PPP2R2A: variants seen among roughly 807,000 people sequenced by gnomAD.
The protein encoded by PPP2R2A is protein phosphatase 2 regulatory subunit Balpha.
In PPP2R2A, 9 loss-of-function variants were observed where a neutral mutation model predicts 53.2. The observed-to-expected ratio is 0.17, with a 90% CI of 0.10 to 0.30. The LOEUF is 0.30. Among genes scored for constraint, PPP2R2A ranks in the 10% least tolerant of loss-of-function variants. The probability of loss-of-function intolerance (pLI) is 1.00; values close to 1 mark genes in which losing one functional copy is unlikely to be tolerated. For synonymous variants in PPP2R2A, 169 were observed against 174.2 expected, an observed-to-expected ratio of 0.97 and a Z score of 0.23; for missense variants, 235 against 534.6, an observed-to-expected ratio of 0.44 and a Z score of 5.53.
rs537264382 is a variant in PPP2R2A at position 26,345,711 on chromosome 8, G to A, written c.180+6724G>A. ...GAGCGACTGCCCCTTTGCAGTTACT[G>A]TGTTTTTCCCTCTTTCTAAAAAAAG... On this transcript the variant is annotated intron_variant, in intron 3 of 9. Transcript: ENST00000380737. 1.0e-3 allele frequency among the ~76,000 whole-genome samples: 154 copies of A among 152,176 alleles called. 1 individual carries two copies. The highest frequency in any genetic ancestry group is 1.7e-3 in the Non-Finnish European group (116 of 68,002).
At chr8:26,347,418 T>G (rs1439285425) in intron 3 of PPP2R2A, among the ~76,000 whole-genome samples, 9 of 73,390 alleles carry the variant, frequency 1.2e-4, no homozygotes, top group Admixed American at 9.0e-4. Context: ...GCATGGAGGG[T>G]TTTTTTTTTT....
chr8:26,365,320 C>T (rs1805314519), intron 8 of PPP2R2A: 1 of 152,110 alleles, frequency 6.6e-6, no homozygotes, highest in South Asian at 2.1e-4. Flanking sequence ...TTTTGTGTTA[C>T]ATGCTCACTT....
intron 8 of PPP2R2A, chr8:26,365,560 C>A (rs1036673686): frequency 2.0e-5 from 3 of 152,122 alleles, no homozygotes; most frequent in African/African-American, 7.2e-5. Flanking sequence ...GAAATATAGA[C>A]ACTTCCTTTT....
rs1243877696 is a variant in PPP2R2A, at chr8:26,360,696, T to TTTA, written c.460-274_460-272dup. The TTTA allele has an allele frequency of 5.1e-6, 2 of 391,508 alleles. No homozygotes were observed. Among genetic ancestry groups the TTTA allele is most frequent in the African/African-American group, 4.2e-5 (2 of 47,656 alleles). 24.3% of individuals were successfully genotyped at this position (391,508 alleles called of 1,614,324 possible). ...GCCTCTTTAATCTGAACCATAAACA[T>TTTA]TTATTAGCTTGGCATGTCTTTCAAG... On this transcript the variant is annotated intron_variant, in intron 5 of 9. Coordinates refer to ENST00000380737, the MANE Select transcript of PPP2R2A (RefSeq NM_002717.4). This position sits in a 1 kb window ranked among gnomAD's most constrained non-coding sequence, Gnocchi z 4.5.
intron 2 of PPP2R2A, among the ~76,000 whole-genome samples, chr8:26,327,571 A>G (rs1312199588): frequency 1.3e-5 from 2 of 152,186 alleles, no homozygotes; most frequent in Non-Finnish European, 2.9e-5. Context: ...GCCCTTTGGG[A>G]AAAATAGCAA....
At chr8:26,320,523 T>C (rs1424410024) in intron 2 of PPP2R2A, among the ~76,000 whole-genome samples, 1 of 152,208 alleles carries the variant, frequency 6.6e-6, no homozygotes, top group African/African-American at 2.4e-5. Flanking sequence ...GATTAGTCTT[T>C]AAGTATTATG....
chr8:26,371,432 A>G lies in PPP2R2A; in HGVS notation c.*1019A>G, dbSNP rs1805664592. On this transcript the variant is annotated 3_prime_UTR_variant, in exon 10 of 10. Coordinates refer to ENST00000380737, the MANE Select transcript of PPP2R2A (RefSeq NM_002717.4). ...ATTTAACTCATTATGTGTTAATGAA[A>G]TTGTTGTAAATGGGAACCAAATTTG... 1 of 151,214 alleles carries G rather than the reference A, an allele frequency of 6.6e-6. No individual in the cohort carries two copies. Among genetic ancestry groups the G allele is most frequent in the Non-Finnish European group, 1.5e-5 (1 of 67,914 alleles). The allele number at this position is 151,214 out of a possible 1,614,324, so 9.4% of individuals were successfully genotyped here.
chr8:26,301,887 G>A (rs1801807671), intron 2 of PPP2R2A, among the ~76,000 whole-genome samples: 1 of 152,172 alleles, frequency 6.6e-6, no homozygotes, highest in Non-Finnish European at 1.5e-5. Flanking sequence ...GCACAAAAGA[G>A]TACCTGTAGA....
intron 3 of PPP2R2A, among the ~76,000 whole-genome samples, chr8:26,347,545 C>G (rs571618874): frequency 2.0e-5 from 3 of 151,816 alleles, no homozygotes; most frequent in Admixed American, 2.0e-4. Context: ...GTTTGATAAT[C>G]TGAGTGAAAG....
chr8:26,368,260 CTAAA>C (rs1805482871), intron 9 of PPP2R2A, among the ~76,000 whole-genome samples: 1 of 152,172 alleles, frequency 6.6e-6, no homozygotes, highest in Non-Finnish European at 1.5e-5. Flanking sequence ...ATTGACATTA[CTAAA>C]TAGATAATAA....
intron 3 of PPP2R2A, among the ~76,000 whole-genome samples, chr8:26,352,408 G>A (rs931472101): frequency 2.0e-5 from 3 of 152,160 alleles, no homozygotes; most frequent in African/African-American, 7.2e-5. Flanking sequence ...GTTACCACTT[G>A]TACCCATCTG....
Position 26,362,953 on chromosome 8 carries a change from G to C in PPP2R2A, c.802+105G>C. On this transcript the variant is annotated intron_variant, in intron 7 of 9. Transcript: ENST00000380737. The surrounding 1 kb of genome is among the most constrained non-coding windows in gnomAD (Gnocchi z 4.4). ...TACAGAGGTTCAAAGTCTTAAACCC[G>C]TGTGTCCAGAGCCACTTGTACCCTT... 1.8e-6 allele frequency: 2 copies of C among 1,121,524 alleles called. No individual in the cohort carries two copies. The highest frequency in any genetic ancestry group is 2.5e-6 in the Non-Finnish European group (2 of 785,676). The allele number at this position is 1,121,524 out of a possible 1,614,324, so 69.5% of individuals were successfully genotyped here.
rs2117380496 is a variant in PPP2R2A at position 26,354,373 on chromosome 8, T to C, written c.181-95T>C. On this transcript the variant is annotated intron_variant, in intron 3 of 9. Coordinates refer to ENST00000380737, the MANE Select transcript of PPP2R2A (RefSeq NM_002717.4). This position sits in a 1 kb window ranked among gnomAD's most constrained non-coding sequence, Gnocchi z 4.6. ...GTATAAAGACACAACTAATGGGGTATTGAGAATGTGCAGGGTCCTTTGGAA... is the reference window on the plus strand; with the variant it reads ...GTATAAAGACACAACTAATGGGGTACTGAGAATGTGCAGGGTCCTTTGGAA... The C allele has an allele frequency of 2.0e-6, 2 of 986,892 alleles. No individual in the cohort carries two copies. Among genetic ancestry groups the C allele is most frequent in the East Asian group, 5.4e-5 (2 of 36,828 alleles). 61.1% of individuals were successfully genotyped at this position (986,892 alleles called of 1,614,324 possible).
At chr8:26,304,951 T>A (rs1801946664) in intron 2 of PPP2R2A, among the ~76,000 whole-genome samples, 1 of 151,780 alleles carries the variant, frequency 6.6e-6, no homozygotes, top group Non-Finnish European at 1.5e-5. Context: ...ACATTAAATT[T>A]ACCATCTTAA....
intron 2 of PPP2R2A, among the ~76,000 whole-genome samples, chr8:26,318,071 G>A (rs1483673466): frequency 6.6e-6 from 1 of 152,080 alleles, no homozygotes; most frequent in African/African-American, 2.4e-5. Flanking sequence ...GTGTGTATGT[G>A]GTTTTTTGGG....
intron 2 of PPP2R2A, among the ~76,000 whole-genome samples, chr8:26,303,893 A>T (rs1245396722): frequency 1.3e-5 from 2 of 152,194 alleles, no homozygotes; most frequent in Admixed American, 6.5e-5. Context: ...TCTATATACC[A>T]CATTGCCGGG....
At chr8:26,361,480 C>T (rs1199147049) in intron 6 of PPP2R2A, among the ~76,000 whole-genome samples, 1 of 152,066 alleles carries the variant, frequency 6.6e-6, no homozygotes, top group Non-Finnish European at 1.5e-5. Flanking sequence ...GTAGCTTATG[C>T]CTGTAATCCC....
At position 26,362,535 on chromosome 8, in the gene PPP2R2A, C is replaced by T. The variant is rs2117411378; in HGVS notation, c.638-149C>T. Reference sequence around the variant, plus strand: ...AAATTAAAAAAAAAAGTTTTAATCCCTTTGGAATTTATACTCATAAAAACA... The same window carrying T: ...AAATTAAAAAAAAAAGTTTTAATCCTTTTGGAATTTATACTCATAAAAACA... On this transcript the variant is annotated intron_variant, in intron 6 of 9. Coordinates refer to ENST00000380737, the MANE Select transcript of PPP2R2A (RefSeq NM_002717.4). The surrounding 1 kb of genome is among the most constrained non-coding windows in gnomAD (Gnocchi z 4.4). 3 of 742,322 alleles carry T rather than the reference C, an allele frequency of 4.0e-6. No homozygotes were observed. The South Asian group carries it at 6.3e-5, about 16-fold the overall frequency. 46.0% of individuals were successfully genotyped at this position (742,322 alleles called of 1,614,324 possible). A position where few individuals can be genotyped will look rare whatever the true frequency, so the allele number is the denominator to read the frequency against.
chr8:26,343,175 A>G (rs757228719), intron 3 of PPP2R2A, among the ~76,000 whole-genome samples: 4 of 152,012 alleles, frequency 2.6e-5, no homozygotes, highest in African/African-American at 9.7e-5. Context: ...CTGTCTCAAA[A>G]ACTAATAATA....
Sources: allele counts gnomAD v4.1 joint callset (sites outside exome capture counted in the v4.1 genomes callset), GRCh38; gene constraint gnomAD v4.1.1; non-coding constraint Gnocchi (gnomAD v3.1); transcripts MANE v1.5; gene names NCBI Gene and HGNC (gene_info 2026-07-23, HGNC 2026-07-21).